Variants in KCND3 observed in about 807,000 individuals in gnomAD.
KCND3 encodes the protein potassium voltage-gated channel subfamily D member 3, also known as A-type voltage-gated potassium channel KCND3.
KCND3 carries 9 observed loss-of-function variants against 51.1 expected under a neutral mutation model. The ratio of observed to expected loss-of-function variants is 0.18; its 90% CI spans 0.11 to 0.31. The LOEUF (loss-of-function observed/expected upper bound fraction) is 0.31. Among genes scored for constraint, KCND3 ranks in the 10% least tolerant of loss-of-function variants. The pLI is 1.00. For synonymous variants in KCND3, 349 were observed against 368.0 expected, an observed-to-expected ratio of 0.95 and a Z score of 0.59; for missense variants, 526 against 903.8, an observed-to-expected ratio of 0.58 and a Z score of 5.36.
chr1:111,831,451 C>T (rs1456635802), intron 2 of KCND3, among the ~76,000 whole-genome samples: 2 of 152,206 alleles, frequency 1.3e-5, no homozygotes, highest in South Asian at 2.1e-4. Context: ...TAAGAAGAGC[C>T]TGCTTCCCCT....
intron 2 of KCND3, among the ~76,000 whole-genome samples, chr1:111,937,817 A>C (rs949859043): frequency 6.6e-6 from 1 of 152,182 alleles, no homozygotes; most frequent in Non-Finnish European, 1.5e-5. Context: ...CTGAACACAC[A>C]TTCTGGGCTG....
At position 111,942,391 on chromosome 1, in the gene KCND3, G is replaced by A. The variant is rs548596052; in HGVS notation, c.1106+39230C>T. Among the ~76,000 whole-genome samples, 9 of 152,340 alleles carry A rather than the reference G, an allele frequency of 5.9e-5. No individual in the cohort carries two copies. The East Asian group carries it at 1.2e-3, about 20-fold the overall frequency. On this transcript the variant is annotated intron_variant, in intron 2 of 7. Transcript: ENST00000302127. Reference sequence around the variant, plus strand: ...AGAGAATCAAATGGGGTGGCTGACTGGGGCGCTGTGCCATAGTTCCTGCCC... The same window carrying A: ...AGAGAATCAAATGGGGTGGCTGACTAGGGCGCTGTGCCATAGTTCCTGCCC...
chr1:111,971,137 G>A (rs1031178458), intron 2 of KCND3, among the ~76,000 whole-genome samples: 4 of 152,116 alleles, frequency 2.6e-5, no homozygotes, highest in African/African-American at 9.7e-5. Flanking sequence ...ATCACCCTTG[G>A]ACAAGGAGAA....
Position 111,875,792 on chromosome 1 carries a change from G to T in KCND3, c.1107-88686C>A, listed in dbSNP as rs150820081. ...GAGAAACTAGAATTCCATTCTTTCC[G>T]CTAAGGAAAACCATTAGACCTGCAC... On this transcript the variant is annotated intron_variant, in intron 2 of 7. Transcript: ENST00000302127. Among the ~76,000 whole-genome samples the T allele has an allele frequency of 6.2e-3, 945 of 152,290 alleles. 12 individuals carry two copies. The highest frequency in any genetic ancestry group is 0.022 in the African/African-American group (918 of 41,548).
chr1:111,857,029 G>T (rs1668106596), intron 2 of KCND3: 2 of 152,272 alleles, frequency 1.3e-5, no homozygotes, highest in Admixed American at 1.3e-4. Flanking sequence ...CCCTGTGGGT[G>T]CTTTGTGGCC....
At chr1:111,907,351 C>T (rs539454545) in intron 2 of KCND3, among the ~76,000 whole-genome samples, 1 of 152,292 alleles carries the variant, frequency 6.6e-6, no homozygotes, top group East Asian at 1.9e-4. Flanking sequence ...GTGGGCTGGA[C>T]TTGTTGACTT....
chr1:111,944,344 G>A (rs567666164), intron 2 of KCND3, among the ~76,000 whole-genome samples: 7 of 152,328 alleles, frequency 4.6e-5, no homozygotes, highest in East Asian at 3.9e-4. Flanking sequence ...TCCGATAAAC[G>A]AAAGGTTAAG....
At chr1:111,880,768 G>C (rs1310419611) in intron 2 of KCND3, among the ~76,000 whole-genome samples, 1 of 152,190 alleles carries the variant, frequency 6.6e-6, no homozygotes, top group African/African-American at 2.4e-5. Flanking sequence ...ATTCCCTGGT[G>C]AATGTTTCGT....
In KCND3 at chr1:111,936,871, A is replaced by G. The variant is rs149243942; in HGVS notation, c.1106+44750T>C. On this transcript the variant is annotated intron_variant, in intron 2 of 7. Transcript: ENST00000302127. Reference sequence around the variant, plus strand: ...TCACTGCATCTCCAGTGCCTAGCACATTTCTGGTACATATGAGCCACTCAA... The same window carrying G: ...TCACTGCATCTCCAGTGCCTAGCACGTTTCTGGTACATATGAGCCACTCAA... 3.3e-5 allele frequency among the ~76,000 whole-genome samples: 5 copies of G among 152,272 alleles called. No individual in the cohort carries two copies. In the East Asian group the frequency reaches 9.6e-4, roughly 29 times the overall value.
intron 2 of KCND3, among the ~76,000 whole-genome samples, chr1:111,919,903 T>C (rs1368986013): frequency 6.6e-6 from 1 of 152,222 alleles, no homozygotes; most frequent in African/African-American, 2.4e-5. Flanking sequence ...TGAATGACAC[T>C]GCCCTTGAAG....
intron 2 of KCND3, among the ~76,000 whole-genome samples, chr1:111,928,277 C>T (rs1256049109): frequency 6.6e-6 from 1 of 152,148 alleles, no homozygotes; most frequent in East Asian, 1.9e-4. Context: ...TCATGGTGCA[C>T]TAGAAAGTGA....
chr1:111,984,657 A>T (rs1456396375), intron 1 of KCND3, among the ~76,000 whole-genome samples: 7 of 152,202 alleles, frequency 4.6e-5, no homozygotes, highest in Non-Finnish European at 7.3e-5. Context: ...TTGGCCTGGC[A>T]TTCCAGAATT....
intron 2 of KCND3, among the ~76,000 whole-genome samples, chr1:111,789,332 G>A (rs1021645716): frequency 4.6e-5 from 7 of 152,196 alleles, no homozygotes; most frequent in African/African-American, 1.7e-4. Context: ...TCTCCACCGG[G>A]AATAAGGAGC....
chr1:111,827,406 C>T (rs958734714), intron 2 of KCND3, among the ~76,000 whole-genome samples: 1 of 152,306 alleles, frequency 6.6e-6, no homozygotes, highest in Admixed American at 6.5e-5. Flanking sequence ...GTTCACGATG[C>T]AGGAACACAT....
rs185117512 is a variant in KCND3, at chr1:111,815,964, G to C, written c.1107-28858C>G. ...CCAGCAGTGACTCCTAGGACCCCGG[G>C]GAGGAAATAAGGGGAAAAGGGAGGC... On this transcript the variant is annotated intron_variant, in intron 2 of 7. Transcript: ENST00000302127. Among the ~76,000 whole-genome samples, 3 of 152,246 alleles carry C rather than the reference G, an allele frequency of 2.0e-5. No individual in the cohort carries two copies. In the East Asian group the frequency reaches 5.8e-4, roughly 29 times the overall value.
chr1:111,893,770 C>G (rs1231213272), intron 2 of KCND3, among the ~76,000 whole-genome samples: 1 of 152,154 alleles, frequency 6.6e-6, no homozygotes, highest in Admixed American at 6.5e-5. Context: ...GAAGGTAAAG[C>G]CAGCATTGGT....
Position 111,986,584 on chromosome 1 carries a change from C to T in KCND3, c.-73+2921G>A, listed in dbSNP as rs60766991. On this transcript the variant is annotated intron_variant, in intron 1 of 7. Coordinates refer to ENST00000302127, the MANE Select transcript of KCND3 (RefSeq NM_001378969.1). ...AGCAAGCCATGATCACCCTCTGGGCCTCAGAGTCTTCCTCTGTAAAATGAG... is the reference window on the plus strand; with the variant it reads ...AGCAAGCCATGATCACCCTCTGGGCTTCAGAGTCTTCCTCTGTAAAATGAG... Among the ~76,000 whole-genome samples, 959 of 152,332 alleles carry T rather than the reference C, an allele frequency of 6.3e-3. 10 individuals are homozygous for T. Among genetic ancestry groups the T allele is most frequent in the African/African-American group, 0.022 (909 of 41,566 alleles).
At chr1:111,795,525 G>A (rs1217681804) in intron 2 of KCND3, among the ~76,000 whole-genome samples, 1 of 152,318 alleles carries the variant, frequency 6.6e-6, no homozygotes, top group South Asian at 2.1e-4. Context: ...GTTAAGTAAC[G>A]TGCTCAAGAT....
chr1:111,785,610 A>G (rs1468452565), intron 3 of KCND3, among the ~76,000 whole-genome samples: 1 of 152,174 alleles, frequency 6.6e-6, no homozygotes, highest in East Asian at 1.9e-4. Context: ...GTGGGAACCA[A>G]TTGGATTCAC....
Sources: allele counts gnomAD v4.1 joint callset (sites outside exome capture counted in the v4.1 genomes callset), GRCh38; gene constraint gnomAD v4.1.1; transcripts MANE v1.5; gene names NCBI Gene and HGNC (gene_info 2026-07-23, HGNC 2026-07-21).